The following CUX1 variants were observed in gnomAD, a reference collection of about 807,000 sequenced individuals.
CUX1 encodes the protein protein CASP.
In CUX1, 31 loss-of-function variants were observed where a neutral mutation model predicts 158.8. That is an observed-to-expected ratio of 0.20 (90% CI 0.15 to 0.26). The LOEUF (loss-of-function observed/expected upper bound fraction) is 0.26. CUX1 is among the 10% of genes least tolerant of loss of function. CUX1 has a pLI of 1.00. For missense variants in CUX1, 1,589 were observed against 2,014.6 expected (o/e 0.79, Z 4.04); for synonymous variants, 879 against 862.1 (o/e 1.02, Z -0.34).
At position 102,250,780 on chromosome 7, in the gene CUX1, G is replaced by T. The variant is rs986447850; in HGVS notation, c.*1738G>T. On this transcript the variant is annotated 3_prime_UTR_variant, in exon 24 of 24. Coordinates refer to ENST00000292535, the MANE Select transcript of CUX1 (RefSeq NM_181552.4). ...CGTGAGAATAGAGGCGGGTGAGAGTGTGCGTGCGTGTGCGTGTGTGCAATT... is the reference window on the plus strand; with the variant it reads ...CGTGAGAATAGAGGCGGGTGAGAGTTTGCGTGCGTGTGCGTGTGTGCAATT... The T allele has an allele frequency of 3.0e-6, 3 of 985,102 alleles. No homozygotes were observed. Among genetic ancestry groups the T allele is most frequent in the Non-Finnish European group, 3.6e-6 (3 of 829,744 alleles). 61.0% of individuals were successfully genotyped at this position (985,102 alleles called of 1,614,324 possible).
chr7:102,150,597 G>A (rs1835537194), intron 8 of CUX1, among the ~76,000 whole-genome samples: 1 of 152,200 alleles, frequency 6.6e-6, no homozygotes, highest in Admixed American at 6.5e-5. Context: ...TGCTTATTTG[G>A]GTATTGAAAT....
At chr7:101,951,626 C>T (rs1189169495) in intron 2 of CUX1, among the ~76,000 whole-genome samples, 1 of 152,118 alleles carries the variant, frequency 6.6e-6, no homozygotes, top group African/African-American at 2.4e-5. Context: ...CTGCCTCAGC[C>T]TCCTGAGTAG....
At chr7:101,855,567 T>C (rs1321550639) in intron 1 of CUX1, among the ~76,000 whole-genome samples, 3 of 152,170 alleles carry the variant, frequency 2.0e-5, no homozygotes, top group African/African-American at 7.2e-5. Context: ...ACTTTCTCTG[T>C]GTTCTCCCCA....
intron 8 of CUX1, among the ~76,000 whole-genome samples, chr7:102,132,328 C>CACGCACGCGCACG (rs1379227055): frequency 7.3e-4 from 1 of 1,362 alleles, no homozygotes; most frequent in Admixed American, 0.013. Context: ...CGCGCGCACG[C>CACGCACGCGCACG]CACGCACACA....
At position 101,834,238 on chromosome 7, in the gene CUX1, A is replaced by G. The variant is rs951836341; in HGVS notation, c.30+16569A>G. Among the ~76,000 whole-genome samples, 3 of 126,056 alleles carry G rather than the reference A, an allele frequency of 2.4e-5. No homozygotes were observed. In the South Asian group the frequency reaches 7.1e-4, roughly 30 times the overall value. 82.7% of individuals were successfully genotyped at this position (126,056 alleles called of 152,430 possible). ...GCCCAGGCTGGAGTGCAGTGGCACT[A>G]TCTCAGCCCACTGCAACCTCCGCCT... On this transcript the variant is annotated intron_variant, in intron 1 of 23. Transcript: ENST00000292535.
At chr7:102,133,467 C>CTTTTT (rs11266929) in intron 8 of CUX1, among the ~76,000 whole-genome samples, 8 of 90,576 alleles carry the variant, frequency 8.8e-5, no homozygotes, top group Middle Eastern at 6.1e-3. Flanking sequence ...AAAAATACAT[C>CTTTTT]TTTTTTTTTT....
At chr7:102,198,544 A>G (rs6970036) in intron 15 of CUX1, among the ~76,000 whole-genome samples, 77,712 of 152,122 alleles carry the variant, frequency 0.51, 21,821 homozygotes, top group African/African-American at 0.74. Flanking sequence ...CCTCCCTCCC[A>G]TGGACCTCCC....
At chr7:101,940,731 G>A (rs759496983) in intron 2 of CUX1, among the ~76,000 whole-genome samples, 3 of 152,196 alleles carry the variant, frequency 2.0e-5, no homozygotes, top group East Asian at 3.9e-4. Context: ...GGTTGGGCAC[G>A]TTATTGATCA....
At chr7:102,114,475 C>T (rs1370088929) in intron 7 of CUX1, among the ~76,000 whole-genome samples, 4 of 152,198 alleles carry the variant, frequency 2.6e-5, no homozygotes, top group Non-Finnish European at 4.4e-5. Context: ...CAGAGTTTCG[C>T]CATTTTGGCC....
chr7:102,078,679 C>T (rs1333547675), intron 4 of CUX1, among the ~76,000 whole-genome samples: 1 of 152,190 alleles, frequency 6.6e-6, no homozygotes, highest in African/African-American at 2.4e-5. Context: ...TGCTAGAAGT[C>T]GCTGTTTCGT....
At chr7:102,141,262 C>T (rs1388830316) in intron 8 of CUX1, among the ~76,000 whole-genome samples, 4 of 152,156 alleles carry the variant, frequency 2.6e-5, no homozygotes, top group African/African-American at 9.7e-5. Flanking sequence ...TGAACGTTCT[C>T]GTGCCTCCAC....
intron 2 of CUX1, among the ~76,000 whole-genome samples, chr7:101,977,038 A>G (rs762831997): frequency 6.8e-6 from 1 of 147,508 alleles, no homozygotes; most frequent in Non-Finnish European, 1.5e-5. Context: ...TCAGCCTCCC[A>G]AGTAGCTGGG....
At chr7:102,072,950 G>T (rs915582111) in intron 4 of CUX1, among the ~76,000 whole-genome samples, 1 of 151,962 alleles carries the variant, frequency 6.6e-6, no homozygotes, top group African/African-American at 2.4e-5. Flanking sequence ...CTTTTTGTTG[G>T]TTCCTCAGGC....
chr7:102,069,370 A>G (rs924032869), intron 3 of CUX1, among the ~76,000 whole-genome samples: 1 of 152,038 alleles, frequency 6.6e-6, no homozygotes, highest in Admixed American at 6.6e-5. Flanking sequence ...CCTATGCCCC[A>G]TGGTGTGTTG....
At chr7:102,109,629 C>CA (rs1373739051) in intron 6 of CUX1, among the ~76,000 whole-genome samples, 2 of 151,756 alleles carry the variant, frequency 1.3e-5, no homozygotes, top group African/African-American at 4.8e-5. Context: ...ACTAAAAATA[C>CA]AAAAAACAGC....
downstream of CUX1, among the ~76,000 whole-genome samples, chr7:102,262,971 G>A (rs1790518708): frequency 6.7e-6 from 1 of 150,288 alleles, no homozygotes. Context: ...GGTGATCAAT[G>A]TTATAAGGAG....
At chr7:102,203,375 G>A (rs941681526) in intron 18 of CUX1, among the ~76,000 whole-genome samples, 6 of 151,830 alleles carry the variant, frequency 4.0e-5, no homozygotes, top group African/African-American at 7.3e-5. Flanking sequence ...CCTGCATGGC[G>A]CCGTCCCCGC....
In CUX1 at chr7:102,282,873, AG is replaced by A. The variant is rs1792201384; in HGVS notation, c.1967+98del. On this transcript the variant is annotated intron_variant, in intron 22 of 22. Coordinates refer to the CUX1 transcript ENST00000292538. ...TCCTGCCTCATGTCCCCCACTCCTT[AG>A]CCCTCCATCACAGCCCCCCATTCTG... 24 of 799,048 alleles carry A rather than the reference AG, an allele frequency of 3.0e-5. No individual in the cohort carries two copies. The South Asian group carries it at 3.6e-4, about 12-fold the overall frequency. The allele number at this position is 799,048 out of a possible 1,614,324, so 49.5% of individuals were successfully genotyped here.
chr7:101,966,983 G>C (rs1291570931), intron 2 of CUX1, among the ~76,000 whole-genome samples: 1 of 151,994 alleles, frequency 6.6e-6, no homozygotes, highest in Non-Finnish European at 1.5e-5. Flanking sequence ...CCTTTGCAGA[G>C]GGATCATTTG....
Sources: gnomAD v4.1 joint callset for allele counts (sites outside exome capture counted in the v4.1 genomes callset) on GRCh38, gnomAD v4.1.1 for gene constraint, MANE v1.5 for transcripts, NCBI Gene and HGNC (gene_info 2026-07-23, HGNC 2026-07-21) for gene names.